The following XKR6 variants were observed in gnomAD, a reference collection of about 807,000 sequenced individuals.
XKR6 encodes the protein XK-related protein 6.
XKR6 carries 22 observed loss-of-function variants against 56.7 expected under a neutral mutation model. The observed-to-expected ratio is 0.39, with a 90% confidence interval of 0.28 to 0.55. XKR6 has a LOEUF of 0.55. XKR6 is among the 20% of genes least tolerant of loss of function. XKR6 has a pLI of 0.66. For missense variants in XKR6, 852 were observed against 889.0 expected (o/e 0.96, Z 0.53); for synonymous variants, 524 against 387.8 (o/e 1.35, Z -4.13).
intron 1 of XKR6, among the ~76,000 whole-genome samples, chr8:11,075,868 G>A (rs1427170139): frequency 5.3e-5 from 8 of 152,068 alleles, no homozygotes; most frequent in Admixed American, 2.6e-4. Context: ...GCGAGACTCT[G>A]TCCCCCCGAC....
intron 1 of XKR6, among the ~76,000 whole-genome samples, chr8:11,030,856 G>C (rs79477057): frequency 1.3e-5 from 2 of 152,158 alleles, no homozygotes; most frequent in Non-Finnish European, 2.9e-5. Context: ...GCCCTCTCAG[G>C]CTCCTCATTG....
intron 1 of XKR6, chr8:11,104,955 T>C (rs996731622): frequency 6.6e-6 from 1 of 152,186 alleles, no homozygotes; most frequent in Non-Finnish European, 1.5e-5. Flanking sequence ...CAAGCGTTGG[T>C]TGAAACAGGA....
At chr8:11,053,469 C>T (rs2129160750) in intron 1 of XKR6, among the ~76,000 whole-genome samples, 1 of 152,330 alleles carries the variant, frequency 6.6e-6, no homozygotes, top group Non-Finnish European at 1.5e-5. Context: ...ATCTCTTCCC[C>T]ATTCCCAGAC....
intron 1 of XKR6, among the ~76,000 whole-genome samples, chr8:11,103,863 G>T (rs1430182992): frequency 6.6e-6 from 1 of 152,176 alleles, no homozygotes. Context: ...GCAAAATTGG[G>T]AATGTTCAAA....
intron 1 of XKR6, among the ~76,000 whole-genome samples, chr8:11,076,077 G>T (rs1301399035): frequency 2.0e-5 from 3 of 152,086 alleles, no homozygotes; most frequent in African/African-American, 7.2e-5. Flanking sequence ...CTACAACACG[G>T]GCGAACCTCG....
intron 1 of XKR6, chr8:11,062,785 G>T: frequency 2.2e-6 from 1 of 456,228 alleles, no homozygotes; most frequent in Admixed American, 2.3e-5. Context: ...TTTTCCCTGG[G>T]CACAGAGCCA....
chr8:11,160,069 G>C (rs1057442061), intron 1 of XKR6, among the ~76,000 whole-genome samples: 2 of 152,112 alleles, frequency 1.3e-5, no homozygotes, highest in African/African-American at 4.8e-5. Flanking sequence ...CAGTGGTTAA[G>C]ATGCATCATT....
intron 1 of XKR6, among the ~76,000 whole-genome samples, chr8:11,132,590 G>A (rs1800159437): frequency 6.6e-6 from 1 of 151,858 alleles, no homozygotes; most frequent in Non-Finnish European, 1.5e-5. Flanking sequence ...TTGAACTCCT[G>A]GCCTCAAGTG....
chr8:10,925,070 G>A (rs187241557), intron 1 of XKR6, among the ~76,000 whole-genome samples: 1 of 152,274 alleles, frequency 6.6e-6, no homozygotes, highest in Admixed American at 6.5e-5. Flanking sequence ...CCCTAGGCAG[G>A]TCTTCCTCCT....
At chr8:10,965,846 G>A (rs1348679414) in intron 1 of XKR6, among the ~76,000 whole-genome samples, 4 of 152,226 alleles carry the variant, frequency 2.6e-5, no homozygotes, top group South Asian at 2.1e-4. Context: ...CATCTGGCCC[G>A]GGCCGAGTCC....
intron 1 of XKR6, among the ~76,000 whole-genome samples, chr8:11,184,726 T>C (rs1803177346): frequency 6.6e-6 from 1 of 152,116 alleles, no homozygotes; most frequent in Non-Finnish European, 1.5e-5. Flanking sequence ...GATACGGGAA[T>C]TCACTATGTT....
chr8:10,901,051 A>ACCT lies in XKR6; in HGVS notation c.962-2136_962-2135insAGG, dbSNP rs1183620447. Reference sequence around the variant, plus strand: ...TATTTTTTGTAGAGACAGAGTTTCTACTTCTTTTTTTTTTTTTTTTTTAAG... The same window carrying ACCT: ...TATTTTTTGTAGAGACAGAGTTTCTACCTCTTCTTTTTTTTTTTTTTTTTTAAG... On this transcript the variant is annotated intron_variant, in intron 2 of 2. Transcript: ENST00000416569. Among the ~76,000 whole-genome samples the ACCT allele has an allele frequency of 7.3e-5, 8 of 109,082 alleles. 1 individual carries two copies. Among genetic ancestry groups the ACCT allele is most frequent in the Admixed American group, 1.7e-4 (2 of 11,724 alleles). The allele number at this position is 109,082 out of a possible 152,430, so 71.6% of individuals were successfully genotyped here. A position where few individuals can be genotyped will look rare whatever the true frequency, so the allele number is the denominator to read the frequency against.
chr8:11,195,083 C>T, intron 1 of XKR6: 1 of 699,228 alleles, frequency 1.4e-6, no homozygotes. Flanking sequence ...TCAATTTAAC[C>T]CACTTACCCT....
intron 1 of XKR6, chr8:11,137,627 C>T: frequency 2.2e-6 from 1 of 456,184 alleles, no homozygotes; most frequent in Non-Finnish European, 4.4e-6. Flanking sequence ...ACTCAGGAGA[C>T]AATGAATGGA....
intron 1 of XKR6, among the ~76,000 whole-genome samples, chr8:11,146,775 G>A (rs1801007602): frequency 6.6e-6 from 1 of 152,044 alleles, no homozygotes; most frequent in Admixed American, 6.6e-5. Context: ...CACACACAAT[G>A]AAAAAACATT....
intron 1 of XKR6, among the ~76,000 whole-genome samples, chr8:11,170,711 T>C (rs1802322845): frequency 6.6e-6 from 1 of 152,174 alleles, no homozygotes; most frequent in Admixed American, 6.5e-5. Context: ...AATTATATCT[T>C]AATAAAACTG....
intron 1 of XKR6, among the ~76,000 whole-genome samples, chr8:10,930,775 T>A (rs1801030253): frequency 6.6e-6 from 1 of 152,224 alleles, no homozygotes; most frequent in Non-Finnish European, 1.5e-5. Flanking sequence ...GGGAACTTCC[T>A]TAACCTTATG....
At chr8:11,013,184 C>G (rs1483846249) in intron 1 of XKR6, among the ~76,000 whole-genome samples, 2 of 152,136 alleles carry the variant, frequency 1.3e-5, no homozygotes, top group African/African-American at 4.8e-5. Flanking sequence ...GAGCAGATAC[C>G]ATCTATATCT....
intron 1 of XKR6, among the ~76,000 whole-genome samples, chr8:10,931,519 A>C (rs1801048294): frequency 6.6e-6 from 1 of 152,222 alleles, no homozygotes; most frequent in African/African-American, 2.4e-5. Flanking sequence ...AGGATTTACT[A>C]TAAAGCTACA....
Sources: gnomAD v4.1 joint callset for allele counts (sites outside exome capture counted in the v4.1 genomes callset) on GRCh38, gnomAD v4.1.1 for gene constraint, MANE v1.5 for transcripts, NCBI Gene and HGNC (gene_info 2026-07-23, HGNC 2026-07-21) for gene names.